The following PPM1L variants were observed in gnomAD, a reference collection of about 807,000 sequenced individuals.
PPM1L encodes the protein protein phosphatase 1L.
In PPM1L, 13 loss-of-function variants were observed where a neutral mutation model predicts 31.4. That is an observed-to-expected ratio of 0.41 (90% CI 0.27 to 0.66). PPM1L has a LOEUF of 0.66. Among genes scored for constraint, PPM1L ranks in the 30% least tolerant of loss-of-function variants. The pLI, the probability that PPM1L is intolerant of heterozygous loss-of-function variation, is 0.29. For missense variants in PPM1L, 326 were observed against 453.7 expected, an observed-to-expected ratio of 0.72 and a Z score of 2.56; for synonymous variants, 184 against 175.4, an observed-to-expected ratio of 1.05 and a Z score of -0.39.
chr3:160,898,977 A>G (rs1713442812), intron 1 of PPM1L, among the ~76,000 whole-genome samples: 1 of 152,092 alleles, frequency 6.6e-6, no homozygotes, highest in South Asian at 2.1e-4. Flanking sequence ...GCTTTCTGCT[A>G]CTCACCTATG....
intron 1 of PPM1L, among the ~76,000 whole-genome samples, chr3:160,883,927 A>G (rs1001820177): frequency 9.3e-5 from 14 of 151,040 alleles, no homozygotes; most frequent in Non-Finnish European, 2.9e-5. Context: ...AAATCTATCC[A>G]GGCATGGTGG....
intron 2 of PPM1L, among the ~76,000 whole-genome samples, chr3:160,980,734 A>G (rs552824999): frequency 2.1e-5 from 3 of 142,166 alleles, no homozygotes; most frequent in African/African-American, 7.9e-5. Context: ...GAGAGAGAAA[A>G]AGAAAGAGAA....
chr3:161,022,927 G>A (rs1011290384), intron 2 of PPM1L, among the ~76,000 whole-genome samples: 4 of 152,112 alleles, frequency 2.6e-5, no homozygotes, highest in Non-Finnish European at 5.9e-5. Context: ...GCCTCCCAAA[G>A]TGCTGGGATT....
At chr3:161,025,845 T>A (rs1718371510) in intron 2 of PPM1L, among the ~76,000 whole-genome samples, 1 of 152,136 alleles carries the variant, frequency 6.6e-6, no homozygotes, top group South Asian at 2.1e-4. Context: ...TGAGATTGAG[T>A]TTATTTTGAT....
intron 2 of PPM1L, among the ~76,000 whole-genome samples, chr3:160,978,463 CA>C (rs1716679019): frequency 6.6e-6 from 1 of 152,266 alleles, no homozygotes; most frequent in African/African-American, 2.4e-5. Flanking sequence ...GCAAGCACAA[CA>C]AATAAAATCT....
At chr3:160,956,067 A>C (rs969107322) in intron 1 of PPM1L, among the ~76,000 whole-genome samples, 1 of 152,208 alleles carries the variant, frequency 6.6e-6, no homozygotes, top group Admixed American at 6.5e-5. Context: ...TATACCATAT[A>C]ATAGTAAATA....
intron 1 of PPM1L, among the ~76,000 whole-genome samples, chr3:160,815,503 A>C (rs1279158029): frequency 2.6e-5 from 4 of 152,154 alleles, no homozygotes; most frequent in African/African-American, 4.8e-5. Context: ...ACTTATTAGC[A>C]TATTAAAGGT....
chr3:161,050,909 A>AT (rs1159066763), intron 2 of PPM1L, among the ~76,000 whole-genome samples: 2 of 152,184 alleles, frequency 1.3e-5, no homozygotes, highest in Non-Finnish European at 2.9e-5. Flanking sequence ...ATAAACAAGT[A>AT]TTTTTTTCTA....
intron 2 of PPM1L, among the ~76,000 whole-genome samples, chr3:161,017,488 A>T (rs1040381632): frequency 6.6e-6 from 1 of 152,128 alleles, no homozygotes; most frequent in African/African-American, 2.4e-5. Flanking sequence ...TGAATAAACT[A>T]CCTACTTTTT....
Position 160,944,831 on chromosome 3 carries a change from C to CATATATT in PPM1L, c.400-16899_400-16898insTATATAT, listed in dbSNP as rs1715300182. ...TATAACATATATATGTTATATATAA[C>CATATATT]ATATATATGTTATATATAACATATA... On this transcript the variant is annotated intron_variant, in intron 1 of 3. Transcript: ENST00000498165. Among the ~76,000 whole-genome samples the CATATATT allele has an allele frequency of 8.2e-4, 17 of 20,732 alleles. 2 individuals carry two copies. In the Admixed American group the frequency reaches 0.01, roughly 13 times the overall value. 13.6% of individuals were successfully genotyped at this position (20,732 alleles called of 152,430 possible).
chr3:160,952,455 T>C (rs1160716790), intron 1 of PPM1L, among the ~76,000 whole-genome samples: 1 of 152,210 alleles, frequency 6.6e-6, no homozygotes, highest in Admixed American at 6.5e-5. Context: ...AGGATTCCCA[T>C]GATAATCTCT....
At chr3:160,779,060 C>T (rs1711656635) in intron 1 of PPM1L, among the ~76,000 whole-genome samples, 2 of 150,334 alleles carry the variant, frequency 1.3e-5, no homozygotes, top group Non-Finnish European at 1.5e-5. Flanking sequence ...GTGTTATAGT[C>T]CTGTTTCCTG....
chr3:160,952,273 G>T (rs192358307), intron 1 of PPM1L, among the ~76,000 whole-genome samples: 1 of 152,132 alleles, frequency 6.6e-6, no homozygotes, highest in Non-Finnish European at 1.5e-5. Context: ...ATATGTTACC[G>T]TAAGAAAGAT....
chr3:160,880,656 T>C (rs1404230728), intron 1 of PPM1L, among the ~76,000 whole-genome samples: 1 of 151,928 alleles, frequency 6.6e-6, no homozygotes, highest in African/African-American at 2.4e-5. Context: ...AAGGAATCCT[T>C]ACTTAAATTT....
At chr3:160,910,332 T>C (rs1713928817) in intron 1 of PPM1L, among the ~76,000 whole-genome samples, 1 of 122,810 alleles carries the variant, frequency 8.1e-6, no homozygotes, top group Non-Finnish European at 1.7e-5. Flanking sequence ...CCTCCCCTTT[T>C]TGACAGAGTC....
intron 2 of PPM1L, among the ~76,000 whole-genome samples, chr3:161,011,499 G>C (rs2108063130): frequency 6.6e-6 from 1 of 152,128 alleles, no homozygotes; most frequent in South Asian, 2.1e-4. Flanking sequence ...TGGCAATGTG[G>C]GCTCTTTTTT....
intron 1 of PPM1L, among the ~76,000 whole-genome samples, chr3:160,862,682 A>G (rs1230750594): frequency 6.9e-6 from 1 of 144,682 alleles, no homozygotes; most frequent in African/African-American, 2.8e-5. Context: ...ACACACACAC[A>G]CACACACACA....
chr3:161,034,826 A>AT (rs1436883291), intron 2 of PPM1L, among the ~76,000 whole-genome samples: 1 of 151,986 alleles, frequency 6.6e-6, no homozygotes, highest in African/African-American at 2.4e-5. Flanking sequence ...TGTTCTGCAC[A>AT]TGTATCCCAG....
At chr3:160,972,389 C>G (rs934783845) in intron 2 of PPM1L, among the ~76,000 whole-genome samples, 1 of 146,052 alleles carries the variant, frequency 6.8e-6, no homozygotes, top group Admixed American at 7.0e-5. Flanking sequence ...GTGATGTTCC[C>G]CTTCCTGTGT....
Sources: allele counts gnomAD v4.1 joint callset (sites outside exome capture counted in the v4.1 genomes callset), GRCh38; gene constraint gnomAD v4.1.1; transcripts MANE v1.5; gene names NCBI Gene and HGNC (gene_info 2026-07-23, HGNC 2026-07-21).